Variants in SLC41A2 observed in about 807,000 individuals in gnomAD.
SLC41A2 encodes the protein solute carrier family 41 member 2, also known as SLC41A1-like 1.
SLC41A2 carries 32 observed loss-of-function variants against 58.3 expected under a neutral mutation model. That is an observed-to-expected ratio of 0.55 (90% confidence interval 0.41 to 0.74). SLC41A2 has a LOEUF of 0.74. Among genes scored for constraint, SLC41A2 ranks in the 30% least tolerant of loss-of-function variants. The pLI, the probability that SLC41A2 is intolerant of heterozygous loss-of-function variation, is 0.00. For missense variants in SLC41A2, 514 were observed against 680.6 expected (o/e 0.76, Z 2.72); for synonymous variants, 190 against 235.0 (o/e 0.81, Z 1.75).
intron 1 of SLC41A2, among the ~76,000 whole-genome samples, chr12:104,955,016 CTTTTTTTT>C (rs375969264): frequency 1.3e-5 from 1 of 79,174 alleles, no homozygotes; most frequent in Non-Finnish European, 2.3e-5. Context: ...TTGGCCCTTG[CTTTTTTTT>C]TTTTTTTTTT....
At chr12:104,894,977 T>C (rs1565881283) in intron 4 of SLC41A2, among the ~76,000 whole-genome samples, 1 of 152,196 alleles carries the variant, frequency 6.6e-6, no homozygotes, top group African/African-American at 2.4e-5. Flanking sequence ...TAAACAGATA[T>C]ATTAATGCAA....
rs2046922847 is a variant in SLC41A2 at position 104,928,241 on chromosome 12, G to T, written c.287C>A (p.Ala96Asp). Residue 96 changes from alanine (A) to aspartate (D), a missense_variant, in exon 2 of 11, where the codon GCC becomes GAC. Transcript: ENST00000258538. Reference sequence around the variant, plus strand: ...GCTTGATGATGCGTGCCCATTATTGGCATGAAAAGACTGCTCTGAGAAACT... The same window carrying T: ...GCTTGATGATGCGTGCCCATTATTGTCATGAAAAGACTGCTCTGAGAAACT... ...YHSFSEQSFH[A>D]NNGHASSSCS... 6.2e-7 allele frequency: 1 copy of T among 1,614,064 alleles called. No homozygotes were observed. Among genetic ancestry groups the T allele is most frequent in the South Asian group, 1.1e-5 (1 of 91,078 alleles).
intron 10 of SLC41A2, among the ~76,000 whole-genome samples, chr12:104,823,940 C>T (rs1566107545): frequency 6.6e-6 from 1 of 152,148 alleles, no homozygotes; most frequent in African/African-American, 2.4e-5. Context: ...AAAATAACTA[C>T]ATGAGATGAC....
chr12:104,829,947 T>C (rs1027867044), intron 10 of SLC41A2, among the ~76,000 whole-genome samples: 1 of 152,212 alleles, frequency 6.6e-6, no homozygotes, highest in Non-Finnish European at 1.5e-5. Context: ...TTTGCACTAT[T>C]ATGGCAGAGT....
At chr12:104,843,798 A>G (rs1321611174) in intron 10 of SLC41A2, among the ~76,000 whole-genome samples, 1 of 152,180 alleles carries the variant, frequency 6.6e-6, no homozygotes, top group Non-Finnish European at 1.5e-5. Flanking sequence ...TATCAAAAGA[A>G]CAAATATCAT....
chr12:104,847,431 G>A (rs568044093), intron 8 of SLC41A2, among the ~76,000 whole-genome samples: 7 of 151,608 alleles, frequency 4.6e-5, no homozygotes, highest in East Asian at 1.9e-4. Flanking sequence ...CTGAAACCCC[G>A]TCTCTACTAA....
intron 10 of SLC41A2, among the ~76,000 whole-genome samples, chr12:104,833,773 G>T (rs2042116938): frequency 6.7e-6 from 1 of 148,256 alleles, no homozygotes; most frequent in East Asian, 2.0e-4. Flanking sequence ...AATCATTCAG[G>T]TCAGTGTTTT....
chr12:104,865,914 T>C (rs1361021872), intron 7 of SLC41A2, among the ~76,000 whole-genome samples: 1 of 152,188 alleles, frequency 6.6e-6, no homozygotes, highest in African/African-American at 2.4e-5. Context: ...TTCTATTTAT[T>C]TTTGTTATTA....
chr12:104,812,903 G>T (rs1373176225), intron 10 of SLC41A2, among the ~76,000 whole-genome samples: 2 of 152,156 alleles, frequency 1.3e-5, no homozygotes, highest in South Asian at 4.1e-4. Flanking sequence ...TTCAGGCCAG[G>T]CATGGTGGCT....
Position 104,939,249 on chromosome 12 carries a change from G to A in SLC41A2, c.-167-10555C>T, listed in dbSNP as rs181838621. Among the ~76,000 whole-genome samples, 13 of 152,326 alleles carry A rather than the reference G, an allele frequency of 8.5e-5. 1 individual carries two copies. In the South Asian group the frequency reaches 1.4e-3, roughly 17 times the overall value. On this transcript the variant is annotated intron_variant, in intron 1 of 10. Transcript: ENST00000258538. ...GTCTTGTTCTGTCACTCAGGCTAGA[G>A]TGCAGTGTTGCAATCATAGCTCACC... is the stretch of plus-strand genomic sequence containing the variant.
At chr12:104,915,478 C>A (rs1044725238) in intron 2 of SLC41A2, among the ~76,000 whole-genome samples, 15 of 152,064 alleles carry the variant, frequency 9.9e-5, no homozygotes, top group Non-Finnish European at 1.9e-4. Context: ...TTGAAGAGGT[C>A]CTTCACATCC....
At chr12:104,883,127 T>G (rs2044469557) in intron 6 of SLC41A2, among the ~76,000 whole-genome samples, 1 of 152,252 alleles carries the variant, frequency 6.6e-6, no homozygotes, top group African/African-American at 2.4e-5. Context: ...CTGAAGCTTG[T>G]GCATGCATCA....
At chr12:104,819,648 T>C (rs968589762) in intron 10 of SLC41A2, among the ~76,000 whole-genome samples, 2 of 152,340 alleles carry the variant, frequency 1.3e-5, no homozygotes, top group East Asian at 3.9e-4. Flanking sequence ...ATATTGACTA[T>C]TGGCACTCAG....
At chr12:104,917,307 T>C (rs1348678770) in intron 2 of SLC41A2, among the ~76,000 whole-genome samples, 1 of 150,946 alleles carries the variant, frequency 6.6e-6, no homozygotes, top group Non-Finnish European at 1.5e-5. Context: ...ATGGCAATCA[T>C]TAAAAAGTCA....
intron 10 of SLC41A2, among the ~76,000 whole-genome samples, chr12:104,830,784 C>A (rs1428802668): frequency 6.6e-6 from 1 of 152,150 alleles, no homozygotes; most frequent in Non-Finnish European, 1.5e-5. Context: ...TGAGCCTGAT[C>A]ACCTACCCAT....
intron 10 of SLC41A2, among the ~76,000 whole-genome samples, chr12:104,826,955 G>A (rs533021467): frequency 2.0e-5 from 3 of 152,214 alleles, no homozygotes; most frequent in Non-Finnish European, 4.4e-5. Context: ...AGCAGTACCA[G>A]TGTATGACCC....
At chr12:104,857,553 T>C (rs551250979) in intron 8 of SLC41A2, among the ~76,000 whole-genome samples, 3 of 152,236 alleles carry the variant, frequency 2.0e-5, no homozygotes, top group East Asian at 3.9e-4. Context: ...CACATGCACA[T>C]GTATGTTTAT....
intron 8 of SLC41A2, among the ~76,000 whole-genome samples, chr12:104,855,796 C>T (rs1317591256): frequency 6.6e-6 from 1 of 152,098 alleles, no homozygotes; most frequent in Non-Finnish European, 1.5e-5. Flanking sequence ...AGGAAGTATG[C>T]GATTGGGGAT....
intron 6 of SLC41A2, among the ~76,000 whole-genome samples, chr12:104,874,744 T>C (rs115162084): frequency 0.012 from 1,802 of 152,376 alleles, 35 homozygotes; most frequent in African/African-American, 0.041. Flanking sequence ...CTTTGATTAC[T>C]ATAGCTTTGT....
Sources: allele counts gnomAD v4.1 joint callset (sites outside exome capture counted in the v4.1 genomes callset), GRCh38; gene constraint gnomAD v4.1.1; transcripts MANE v1.5; gene names NCBI Gene and HGNC (gene_info 2026-07-23, HGNC 2026-07-21).